The following BACH1 variants were observed in gnomAD, a reference collection of about 807,000 sequenced individuals.
The protein encoded by BACH1 is transcription regulator protein BACH1.
BACH1 carries 35 observed loss-of-function variants against 52.9 expected under a neutral mutation model. That is an observed-to-expected ratio of 0.66 (90% CI 0.51 to 0.88). The LOEUF (loss-of-function observed/expected upper bound fraction) is 0.88, where lower values mean the gene tolerates loss of function less well. Ranked by LOEUF, BACH1 falls within the 40% of genes least tolerant of loss-of-function variation. The pLI is 0.00. For synonymous variants in BACH1, 321 were observed against 319.6 expected (o/e 1.00, Z -0.05); for missense variants, 808 against 872.6 (o/e 0.93, Z 0.93).
intron 4 of BACH1, among the ~76,000 whole-genome samples, chr21:29,333,821 T>A (rs2089012696): frequency 6.6e-6 from 1 of 152,228 alleles, no homozygotes; most frequent in South Asian, 2.1e-4. Flanking sequence ...GACACTTTTA[T>A]TAAAGTCTCA....
chr21:29,317,154 TCTAA>T (rs1753321173), intron 1 of BACH1, among the ~76,000 whole-genome samples: 1 of 152,218 alleles, frequency 6.6e-6, no homozygotes, highest in South Asian at 2.1e-4. Context: ...CTTATGAGAC[TCTAA>T]TGCCTGATGG....
chr21:29,309,082 AC>A (rs2088690820), intron 1 of BACH1, among the ~76,000 whole-genome samples: 1 of 152,130 alleles, frequency 6.6e-6, no homozygotes, highest in Admixed American at 6.5e-5. Context: ...ACATGGTGAA[AC>A]CCTGTCTCTA....
intron 3 of BACH1, among the ~76,000 whole-genome samples, chr21:29,329,173 T>G (rs1350965352): frequency 6.6e-6 from 1 of 152,086 alleles, no homozygotes; most frequent in Non-Finnish European, 1.5e-5. Flanking sequence ...CCAGGCATGG[T>G]GGCATGTGCC....
At chr21:29,308,425 T>C (rs1390677133) in intron 1 of BACH1, among the ~76,000 whole-genome samples, 5 of 152,214 alleles carry the variant, frequency 3.3e-5, no homozygotes, top group Admixed American at 6.5e-5. Flanking sequence ...TCATATGATA[T>C]ACTGATTGCC....
At chr21:29,340,079 G>A (rs1346943147) in intron 4 of BACH1, among the ~76,000 whole-genome samples, 3 of 152,218 alleles carry the variant, frequency 2.0e-5, no homozygotes, top group Admixed American at 6.5e-5. Flanking sequence ...GAAATATATT[G>A]TAGGGATAGG....
At chr21:29,302,416 G>C (rs887750486) in intron 1 of BACH1, among the ~76,000 whole-genome samples, 2 of 152,172 alleles carry the variant, frequency 1.3e-5, no homozygotes, top group African/African-American at 4.8e-5. Flanking sequence ...GTCTGGGTTT[G>C]ATCACTGTAC....
chr21:29,315,138 G>T (rs1322127084), intron 1 of BACH1, among the ~76,000 whole-genome samples: 4 of 152,074 alleles, frequency 2.6e-5, no homozygotes, highest in African/African-American at 9.7e-5. Flanking sequence ...TAAAATAAAG[G>T]CCCTTAAAGG....
In BACH1 at chr21:29,326,528, G is replaced by C. The variant is rs1424718496; in HGVS notation, c.704G>C (p.Gly235Ala). ...PKYRKFQKAF[G>A]TDRVRTGESS... The stretch of plus-strand genomic sequence containing the variant: ...TACAGAAAATTCCAAAAAGCATTTG[G>C]AACTGACAGAGTCCGTACTGGGGAA... The change falls in exon 3 of 5, where the codon GGA becomes GCA. Residue 235 changes from glycine to alanine, a missense_variant. By Grantham distance (60) the Gly-to-Ala change is moderately conservative. Coordinates refer to ENST00000286800, the MANE Select transcript of BACH1 (RefSeq NM_001186.4). 1 of 1,614,166 alleles carries C rather than the reference G, an allele frequency of 6.2e-7. No homozygotes were observed. Among genetic ancestry groups the C allele is most frequent in the East Asian group, 2.2e-5 (1 of 44,884 alleles).
Position 29,343,400 on chromosome 21 carries a change from A to G in BACH1, c.*567A>G, listed in dbSNP as rs1269519816. ...CTTAGGGCTTTGTTCTTCGGCTCCT[A>G]AAATCAGGCTTTAAGCTACATTGGG... On this transcript the variant is annotated 3_prime_UTR_variant, in exon 5 of 5. Transcript: ENST00000286800. 1 of 152,312 alleles carries G rather than the reference A, an allele frequency of 6.6e-6. No individual in the cohort carries two copies. The highest frequency in any genetic ancestry group is 2.1e-4 in the South Asian group (1 of 4,836). 9.4% of individuals were successfully genotyped at this position (152,312 alleles called of 1,614,324 possible).
At chr21:29,361,324 G>A (rs549968886) in intron 2 of BACH1, 9 of 152,280 alleles carry the variant, frequency 5.9e-5, no homozygotes, top group Admixed American at 1.3e-4. Flanking sequence ...GTTAAGGCTT[G>A]CAGCTGGGAT....
intron 1 of BACH1, among the ~76,000 whole-genome samples, chr21:29,309,947 T>A (rs2088701436): frequency 6.6e-6 from 1 of 152,216 alleles, no homozygotes; most frequent in African/African-American, 2.4e-5. Context: ...ACATTTGCCC[T>A]TGTTCACATG....
intron 2 of BACH1, among the ~76,000 whole-genome samples, chr21:29,356,503 T>A (rs528631952): frequency 6.6e-6 from 1 of 152,402 alleles, no homozygotes; most frequent in South Asian, 2.1e-4. Context: ...TCCTTATCAC[T>A]TACTGAATAC....
intron 1 of BACH1, among the ~76,000 whole-genome samples, chr21:29,304,129 C>CTT (rs398040580): frequency 4.3e-4 from 59 of 136,898 alleles, no homozygotes; most frequent in Non-Finnish European, 8.8e-4. Flanking sequence ...TTTTTTTTTT[C>CTT]TTTTTTTTTT....
At chr21:29,339,934 C>T (rs2089092388) in intron 4 of BACH1, among the ~76,000 whole-genome samples, 1 of 152,156 alleles carries the variant, frequency 6.6e-6, no homozygotes, top group Admixed American at 6.5e-5. Flanking sequence ...CTGTGCCCAG[C>T]CTGTAAAGAT....
Position 29,342,653 on chromosome 21 carries a change from A to G in BACH1, c.2031A>G (p.Pro677=). 6.2e-7 allele frequency: 1 copy of G among 1,614,230 alleles called. No homozygotes were observed. Among genetic ancestry groups the G allele is most frequent in the Non-Finnish European group, 8.5e-7 (1 of 1,180,042 alleles). Residue 677 remains proline, a synonymous_variant, in exon 5 of 5, where the codon CCA becomes CCG. Transcript: ENST00000286800. ...TTTTCAGTTTATCTGACCGGCCTCC[A>G]GCAGTGCTGCCTCCCTGTGCCAGAG... is the stretch of plus-strand genomic sequence containing the variant. ...PSIFSLSDRP[P]AVLPPCARGN...
intron 2 of BACH1, among the ~76,000 whole-genome samples, chr21:29,325,212 A>G (rs1245004988): frequency 7.2e-5 from 11 of 152,178 alleles, no homozygotes; most frequent in Admixed American, 7.2e-4. Flanking sequence ...CCTGGGCGAC[A>G]GAGCGAGACT....
At chr21:29,347,438 G>C (rs1002302156), downstream of BACH1, among the ~76,000 whole-genome samples, 3 of 152,204 alleles carry the variant, frequency 2.0e-5, no homozygotes, top group Admixed American at 2.0e-4. Context: ...TCAGGGCCAG[G>C]ACAAAGTACA....
intron 1 of BACH1, among the ~76,000 whole-genome samples, chr21:29,303,589 G>T (rs1255561361): frequency 1.3e-5 from 2 of 152,138 alleles, no homozygotes; most frequent in Non-Finnish European, 2.9e-5. Flanking sequence ...TTTATCATTG[G>T]TGTGATTATT....
chr21:29,323,696 C>T (rs1336171388), intron 2 of BACH1, among the ~76,000 whole-genome samples: 1 of 152,186 alleles, frequency 6.6e-6, no homozygotes, highest in African/African-American at 2.4e-5. Flanking sequence ...TCAATCCAAT[C>T]AAGTTGACAT....
Sources: allele counts gnomAD v4.1 joint callset (sites outside exome capture counted in the v4.1 genomes callset), GRCh38; gene constraint gnomAD v4.1.1; transcripts MANE v1.5; gene names NCBI Gene and HGNC (gene_info 2026-07-23, HGNC 2026-07-21).